The following ATE1 variants were observed in gnomAD, a reference collection of about 807,000 sequenced individuals.
The protein encoded by ATE1 is arginyltransferase 1.
ATE1 carries 36 observed loss-of-function variants against 70.5 expected under a neutral mutation model. The ratio of observed to expected loss-of-function variants is 0.51; its 90% CI spans 0.39 to 0.67. The LOEUF (loss-of-function observed/expected upper bound fraction) is 0.67, where lower values mean the gene tolerates loss of function less well. Ranked by LOEUF, ATE1 falls within the 30% of genes least tolerant of loss-of-function variation. ATE1 has a pLI of 0.00. For synonymous variants in ATE1, 232 were observed against 219.3 expected, an observed-to-expected ratio of 1.06 and a Z score of -0.51; for missense variants, 593 against 629.5, an observed-to-expected ratio of 0.94 and a Z score of 0.62.
intron 11 of ATE1, among the ~76,000 whole-genome samples, chr10:121,746,608 TCAAAGCC>T (rs914323323): frequency 3.3e-5 from 5 of 152,322 alleles, no homozygotes; most frequent in East Asian, 1.9e-4. Flanking sequence ...TATCTAGTTC[TCAAAGCC>T]CAAAGCCCAA....
At chr10:121,894,794 G>A (rs1205329784) in intron 7 of ATE1, among the ~76,000 whole-genome samples, 1 of 152,062 alleles carries the variant, frequency 6.6e-6, no homozygotes, top group Non-Finnish European at 1.5e-5. Flanking sequence ...CCAGCTACTT[G>A]GGAGGCTGAG....
intron 10 of ATE1, among the ~76,000 whole-genome samples, chr10:121,794,661 T>TAAAAAAAAAA (rs374044559): frequency 6.1e-5 from 4 of 65,730 alleles, no homozygotes; most frequent in African/African-American, 1.3e-4. Flanking sequence ...GAATGTCTGG[T>TAAAAAAAAAA]AAAAAAAAAA....
intron 5 of ATE1, among the ~76,000 whole-genome samples, chr10:121,907,651 C>G (rs1163811556): frequency 6.6e-6 from 1 of 151,818 alleles, no homozygotes; most frequent in Admixed American, 6.6e-5. Context: ...CGCCTGTAGT[C>G]CCAGCTACTA....
chr10:121,901,738 G>A (rs1340456192), intron 6 of ATE1, among the ~76,000 whole-genome samples: 1 of 152,130 alleles, frequency 6.6e-6, no homozygotes, highest in Non-Finnish European at 1.5e-5. Flanking sequence ...TTACAGGTGT[G>A]AGCCACCACA....
chr10:121,809,484 A>G (rs912162530), intron 10 of ATE1, among the ~76,000 whole-genome samples: 16 of 152,160 alleles, frequency 1.1e-4, no homozygotes, highest in African/African-American at 3.4e-4. Flanking sequence ...TGTACTTATA[A>G]TTAAATAATC....
chr10:121,923,331 GA>G (rs1447622950), intron 2 of ATE1, among the ~76,000 whole-genome samples: 1 of 152,200 alleles, frequency 6.6e-6, no homozygotes, highest in Non-Finnish European at 1.5e-5. Context: ...CAGGTGTTGT[GA>G]TGCACACCTG....
At chr10:121,759,279 T>G (rs959144997) in intron 11 of ATE1, among the ~76,000 whole-genome samples, 3 of 152,202 alleles carry the variant, frequency 2.0e-5, no homozygotes, top group Admixed American at 1.3e-4. Flanking sequence ...AGCCACAACA[T>G]TCTCTTAACT....
At chr10:121,847,165 G>A (rs1019210002) in intron 8 of ATE1, among the ~76,000 whole-genome samples, 1 of 152,114 alleles carries the variant, frequency 6.6e-6, no homozygotes, top group African/African-American at 2.4e-5. Context: ...AAATAATCAT[G>A]CGGCTGGGCA....
intron 8 of ATE1, among the ~76,000 whole-genome samples, chr10:121,857,764 T>C (rs571333676): frequency 2.0e-5 from 3 of 152,298 alleles, no homozygotes; most frequent in Non-Finnish European, 4.4e-5. Context: ...CACATTATCA[T>C]GTAACTACCC....
chr10:121,826,697 T>TAC (rs1235874938), intron 10 of ATE1, among the ~76,000 whole-genome samples: 1 of 152,232 alleles, frequency 6.6e-6, no homozygotes, highest in Non-Finnish European at 1.5e-5. Flanking sequence ...AGGTTTGGCG[T>TAC]ACAAATGAAT....
chr10:121,923,341 T>A (rs959148235), intron 2 of ATE1, among the ~76,000 whole-genome samples: 1 of 152,182 alleles, frequency 6.6e-6, no homozygotes, highest in Non-Finnish European at 1.5e-5. Flanking sequence ...GATGCACACC[T>A]GTAGTCCTAG....
intron 6 of ATE1, 141 bp downstream of exon 6, chr10:121,902,250 C>T: frequency 1.3e-6 from 1 of 799,802 alleles, no homozygotes; most frequent in South Asian, 2.0e-5. Flanking sequence ...GTTACTTCTT[C>T]CCAGTTCTCT....
chr10:121,826,374 C>T (rs968992092), intron 10 of ATE1, among the ~76,000 whole-genome samples: 1 of 152,104 alleles, frequency 6.6e-6, no homozygotes, highest in Non-Finnish European at 1.5e-5. Flanking sequence ...GGCGCAATCT[C>T]GGCTTACTGC....
intron 10 of ATE1, among the ~76,000 whole-genome samples, chr10:121,817,337 G>A (rs1463785575): frequency 1.3e-5 from 2 of 152,174 alleles, no homozygotes; most frequent in African/African-American, 4.8e-5. Flanking sequence ...TCAGGAGATC[G>A]AGACCACGGT....
At chr10:121,765,707 A>C (rs550152288) in intron 11 of ATE1, among the ~76,000 whole-genome samples, 1 of 152,364 alleles carries the variant, frequency 6.6e-6, no homozygotes, top group African/African-American at 2.4e-5. Flanking sequence ...TGCTCCCACT[A>C]AGGCTTCAAA....
intron 4 of ATE1, among the ~76,000 whole-genome samples, chr10:121,911,441 T>TCA (rs1167394816): frequency 9.9e-6 from 1 of 100,668 alleles, no homozygotes; most frequent in South Asian, 3.7e-4. Context: ...CTACAGTAAA[T>TCA]TAAAAAAAAA....
At chr10:121,839,503 A>G (rs1948551261) in intron 9 of ATE1, among the ~76,000 whole-genome samples, 2 of 152,230 alleles carry the variant, frequency 1.3e-5, no homozygotes, top group African/African-American at 4.8e-5. Flanking sequence ...CAAAGAAAAT[A>G]TATCTTTTCT....
intron 3 of ATE1, among the ~76,000 whole-genome samples, chr10:121,917,561 A>C (rs1440184095): frequency 6.6e-6 from 1 of 152,190 alleles, no homozygotes; most frequent in Non-Finnish European, 1.5e-5. Flanking sequence ...TGAATGTGGC[A>C]GGGAAACAGG....
chr10:121,796,439 G>A (rs751846098), intron 10 of ATE1, among the ~76,000 whole-genome samples: 3 of 152,064 alleles, frequency 2.0e-5, no homozygotes, highest in Non-Finnish European at 2.9e-5. Flanking sequence ...TTCACCAAAC[G>A]ATTTTAACTT....
Sources: gnomAD v4.1 joint callset for allele counts (sites outside exome capture counted in the v4.1 genomes callset) on GRCh38, gnomAD v4.1.1 for gene constraint, MANE v1.5 for transcripts, NCBI Gene and HGNC (gene_info 2026-07-23, HGNC 2026-07-21) for gene names.